Variants in PSEN1 observed in about 807,000 individuals in gnomAD.
PSEN1 encodes the protein presenilin 1, also known as presenilin-1.
A neutral mutation model predicts 53.5 loss-of-function variants in PSEN1; 15 were observed. The ratio of observed to expected loss-of-function variants is 0.28; its 90% CI spans 0.19 to 0.43. PSEN1 has a LOEUF of 0.43. PSEN1 is among the 20% of genes least tolerant of loss of function. The pLI, the probability that PSEN1 is intolerant of heterozygous loss-of-function variation, is 1.00. For missense variants in PSEN1, 387 were observed against 571.2 expected (o/e 0.68, Z 3.29); for synonymous variants, 208 against 209.8 (o/e 0.99, Z 0.08).
intron 11 of PSEN1, among the ~76,000 whole-genome samples, chr14:73,218,856 TTTTTCAAAGTAGTTTTACTTA>T (rs1900034866): frequency 1.3e-5 from 2 of 152,236 alleles, no homozygotes; most frequent in African/African-American, 4.8e-5. Flanking sequence ...TCTTTTAATT[TTTTTCAAAGTAGTTTTACTTA>T]TTTTCAGATT....
intron 3 of PSEN1, among the ~76,000 whole-genome samples, chr14:73,148,901 C>T (rs1015903053): frequency 1.1e-4 from 16 of 151,908 alleles, no homozygotes; most frequent in South Asian, 1.0e-3. Context: ...CCATTGCACT[C>T]CAGCCTGGGC....
At chr14:73,197,867 C>G (rs977767717) in intron 7 of PSEN1, 164 bp from the exon 8 acceptor site, 24 of 617,254 alleles carry the variant, frequency 3.9e-5, no homozygotes, top group African/African-American at 3.9e-4. Context: ...CCCCCACCCC[C>G]ACCAGTTCAC....
At chr14:73,214,778 G>A (rs1475966328) in intron 10 of PSEN1, among the ~76,000 whole-genome samples, 1 of 152,082 alleles carries the variant, frequency 6.6e-6, no homozygotes, top group East Asian at 1.9e-4. Flanking sequence ...CAGGGGTTAA[G>A]GGGAGGGGAA....
rs749502194 is a variant in PSEN1 at position 73,192,674 on chromosome 14, G to A, written c.579G>A (p.Val193=). Residue 193 remains valine, a synonymous_variant, in exon 7 of 12, where the codon GTG becomes GTA. Coordinates refer to ENST00000324501, the MANE Select transcript of PSEN1 (RefSeq NM_000021.4). ...GEVFKTYNVA[V]DYITVALLIW... ...TGTTTAAAACCTATAACGTTGCTGT[G>A]GACTACATTACTGTTGCACTCCTGA... 3 of 1,613,576 alleles carry A rather than the reference G, an allele frequency of 1.9e-6. No individual in the cohort carries two copies. The East Asian group carries it at 6.7e-5, about 36-fold the overall frequency.
chr14:73,175,539 A>G (rs1281285010), intron 5 of PSEN1, among the ~76,000 whole-genome samples: 1 of 151,826 alleles, frequency 6.6e-6, no homozygotes, highest in Non-Finnish European at 1.5e-5. Flanking sequence ...TCTAGTATTT[A>G]TTTCTGTATA....
At chr14:73,209,882 G>A (rs911334009) in intron 9 of PSEN1, among the ~76,000 whole-genome samples, 2 of 152,138 alleles carry the variant, frequency 1.3e-5, no homozygotes, top group Non-Finnish European at 2.9e-5. Flanking sequence ...ATTTTGGGGG[G>A]CACAGTTCTT....
chr14:73,166,016 A>G (rs1308377693), intron 3 of PSEN1, among the ~76,000 whole-genome samples: 2 of 152,010 alleles, frequency 1.3e-5, no homozygotes, highest in African/African-American at 4.8e-5. Context: ...AGATTGTGCC[A>G]CTACTAGGCG....
intron 5 of PSEN1, among the ~76,000 whole-genome samples, chr14:73,185,390 G>A (rs1281057859): frequency 3.3e-5 from 5 of 152,226 alleles, no homozygotes; most frequent in East Asian, 1.9e-4. Flanking sequence ...GATCACTTGC[G>A]GTTAGGGGCT....
chr14:73,159,761 A>G (rs886936998), intron 3 of PSEN1, among the ~76,000 whole-genome samples: 1 of 151,906 alleles, frequency 6.6e-6, no homozygotes, highest in African/African-American at 2.4e-5. Flanking sequence ...ACAACTCCCC[A>G]TTTTCCATTT....
At chr14:73,171,439 C>G (rs1221491013) in intron 4 of PSEN1, among the ~76,000 whole-genome samples, 1 of 152,170 alleles carries the variant, frequency 6.6e-6, no homozygotes. Context: ...TTTGGTGCCG[C>G]AAAAGAAGTA....
intron 4 of PSEN1, among the ~76,000 whole-genome samples, chr14:73,171,736 G>T (rs539701676): frequency 1.3e-5 from 2 of 152,352 alleles, no homozygotes; most frequent in East Asian, 3.9e-4. Flanking sequence ...ACTGGAATGA[G>T]GGTGGAGCAG....
intron 1 of PSEN1, among the ~76,000 whole-genome samples, chr14:73,140,307 T>C (rs917502123): frequency 3.4e-5 from 5 of 148,668 alleles, no homozygotes; most frequent in Admixed American, 2.7e-4. Context: ...GCCTCCCAGG[T>C]TCAAGTGATT....
At chr14:73,183,844 G>A (rs1161187019) in intron 5 of PSEN1, among the ~76,000 whole-genome samples, 1 of 150,976 alleles carries the variant, frequency 6.6e-6, no homozygotes, top group African/African-American at 2.5e-5. Flanking sequence ...TGGCCGGGCA[G>A]AGGGGCTCCT....
intron 7 of PSEN1, among the ~76,000 whole-genome samples, chr14:73,194,408 TACCATGCCTAATTTTTTAAAA>T (rs1285221340): frequency 3.3e-5 from 5 of 151,850 alleles, no homozygotes; most frequent in Non-Finnish European, 7.4e-5. Flanking sequence ...AGGCATGCAC[TACCATGCCTAATTTTTTAAAA>T]AAAAATTTTT....
At chr14:73,162,519 A>G (rs1234252249) in intron 3 of PSEN1, among the ~76,000 whole-genome samples, 1 of 151,552 alleles carries the variant, frequency 6.6e-6, no homozygotes, top group Non-Finnish European at 1.5e-5. Flanking sequence ...ATTGAGTGAG[A>G]GAGAGAGCAC....
At chr14:73,136,470 C>T (rs1450630086), upstream of PSEN1, 5 of 152,946 alleles carry the variant, frequency 3.3e-5, no homozygotes, top group African/African-American at 9.6e-5. Flanking sequence ...CGGGCGGGGC[C>T]TGGGACAGGC....
intron 5 of PSEN1, among the ~76,000 whole-genome samples, chr14:73,174,751 C>T (rs1270042503): frequency 6.6e-6 from 1 of 152,192 alleles, no homozygotes; most frequent in African/African-American, 2.4e-5. Flanking sequence ...CTTGCCTAAA[C>T]TGGTAGCCAC....
upstream of PSEN1, chr14:73,136,477 A>C (rs1397235799): frequency 6.5e-6 from 1 of 153,060 alleles, no homozygotes; most frequent in East Asian, 1.9e-4. Flanking sequence ...GGCCTGGGAC[A>C]GGCAGCTCCG....
chr14:73,206,926 C>T lies in PSEN1; in HGVS notation c.955+454C>T, dbSNP rs362375. Among the ~76,000 whole-genome samples, 668 of 152,192 alleles carry T rather than the reference C, an allele frequency of 4.4e-3. 2 individuals carry two copies. The highest frequency in any genetic ancestry group is 0.016 in the African/African-American group (645 of 41,538). ...ATAAAAATGAGAACCTCTTGTCTAA[C>T]ATGGCCAGAATAACTGAAATATGAT... On this transcript the variant is annotated intron_variant, in intron 9 of 11. Transcript: ENST00000324501.
Sources: allele counts gnomAD v4.1 joint callset (sites outside exome capture counted in the v4.1 genomes callset), GRCh38; gene constraint gnomAD v4.1.1; transcripts MANE v1.5; gene names NCBI Gene and HGNC (gene_info 2026-07-23, HGNC 2026-07-21).